Variants in SCHIP1 observed in about 807,000 individuals in gnomAD.
The protein encoded by SCHIP1 is schwannomin-interacting protein 1.
In SCHIP1, 8 loss-of-function variants were observed where a neutral mutation model predicts 29.7. That is an observed-to-expected ratio of 0.27 (90% CI 0.16 to 0.49). The LOEUF (loss-of-function observed/expected upper bound fraction) is 0.49, where lower values mean the gene tolerates loss of function less well. Among genes scored for constraint, SCHIP1 ranks in the 20% least tolerant of loss-of-function variants. SCHIP1 has a pLI of 0.99. For missense variants in SCHIP1, 193 were observed against 294.6 expected, an observed-to-expected ratio of 0.66 and a Z score of 2.52; for synonymous variants, 76 against 94.9, an observed-to-expected ratio of 0.80 and a Z score of 1.16.
the SCHIP1 span, among the ~76,000 whole-genome samples, chr3:159,712,023 C>CG: frequency 6.6e-6 from 1 of 152,194 alleles, no homozygotes; most frequent in Non-Finnish European, 1.5e-5. Context: ...ACAAAAATAA[C>CG]AACAGCTTAA....
the SCHIP1 span, among the ~76,000 whole-genome samples, chr3:159,396,523 C>T: frequency 6.8e-6 from 1 of 147,566 alleles, no homozygotes; most frequent in African/African-American, 2.5e-5. Context: ...CTGGTGGTGA[C>T]AAAATCTCTC....
chr3:159,654,002 T>C, the SCHIP1 span, among the ~76,000 whole-genome samples: 1 of 152,214 alleles, frequency 6.6e-6, no homozygotes, highest in Non-Finnish European at 1.5e-5. Context: ...ATCTAAAATA[T>C]ACTATCATAC....
At chr3:159,647,909 G>C in the SCHIP1 span, among the ~76,000 whole-genome samples, 2 of 152,140 alleles carry the variant, frequency 1.3e-5, no homozygotes, top group South Asian at 4.1e-4. Flanking sequence ...TGTTATTCCA[G>C]AGGGTCATGG....
chr3:159,825,804 A>G, the SCHIP1 span, among the ~76,000 whole-genome samples: 1 of 152,234 alleles, frequency 6.6e-6, no homozygotes, highest in Non-Finnish European at 1.5e-5. Flanking sequence ...GTGAATTTAA[A>G]GCAGGACCTT....
At chr3:159,353,562 A>G in the SCHIP1 span, among the ~76,000 whole-genome samples, 2 of 152,216 alleles carry the variant, frequency 1.3e-5, no homozygotes, top group African/African-American at 4.8e-5. Flanking sequence ...GAATCTGTTC[A>G]AGTCTACAAA....
chr3:159,669,961 T>C, the SCHIP1 span, among the ~76,000 whole-genome samples: 1 of 152,218 alleles, frequency 6.6e-6, no homozygotes, highest in Non-Finnish European at 1.5e-5. Context: ...GTGTCTATTG[T>C]AAGCAACAAG....
the SCHIP1 span, chr3:159,763,623 C>T: frequency 6.5e-6 from 1 of 152,836 alleles, no homozygotes; most frequent in African/African-American, 2.4e-5. Context: ...TGCGCCGCGC[C>T]CGGCAGCCTC....
upstream of SCHIP1, among the ~76,000 whole-genome samples, chr3:159,836,780 A>G (rs973931058): frequency 1.3e-5 from 2 of 152,196 alleles, no homozygotes; most frequent in African/African-American, 4.8e-5. Context: ...AAGTTCATCA[A>G]TATTTTTTAG....
the SCHIP1 span, among the ~76,000 whole-genome samples, chr3:159,528,025 A>G: frequency 6.6e-6 from 1 of 152,218 alleles, no homozygotes; most frequent in African/African-American, 2.4e-5. Flanking sequence ...CAAATTTTAT[A>G]TGTCTATTAT....
chr3:159,664,126 C>T, the SCHIP1 span, among the ~76,000 whole-genome samples: 731 of 152,216 alleles, frequency 4.8e-3, 9 homozygotes, highest in African/African-American at 0.016. Context: ...CATTAACTGA[C>T]GAGGAAAACT....
chr3:159,686,249 G>A, the SCHIP1 span, among the ~76,000 whole-genome samples: 3 of 152,134 alleles, frequency 2.0e-5, no homozygotes, highest in African/African-American at 7.2e-5. Context: ...TGTAACCACA[G>A]GAATATTTGA....
the SCHIP1 span, among the ~76,000 whole-genome samples, chr3:159,769,565 C>T: frequency 5.3e-5 from 8 of 152,012 alleles, no homozygotes; most frequent in Non-Finnish European, 1.0e-4. Context: ...GCCTGGCCAA[C>T]GTGGTGAAAC....
At chr3:159,599,672 T>C in the SCHIP1 span, among the ~76,000 whole-genome samples, 3 of 152,246 alleles carry the variant, frequency 2.0e-5, no homozygotes, top group Non-Finnish European at 4.4e-5. Flanking sequence ...GCTGGTTTCG[T>C]ATTTTTGCAG....
At chr3:159,403,196 G>T in the SCHIP1 span, among the ~76,000 whole-genome samples, 1 of 152,152 alleles carries the variant, frequency 6.6e-6, no homozygotes, top group South Asian at 2.1e-4. Flanking sequence ...AATGAGGAGG[G>T]TGGAGTATTA....
the SCHIP1 span, among the ~76,000 whole-genome samples, chr3:159,563,621 G>C: frequency 6.6e-6 from 1 of 152,146 alleles, no homozygotes; most frequent in Non-Finnish European, 1.5e-5. Context: ...GTGAGCCCCA[G>C]AGTTCAAGAC....
chr3:159,298,367 GAATTGTTATT>G, the SCHIP1 span, among the ~76,000 whole-genome samples: 24 of 152,252 alleles, frequency 1.6e-4, no homozygotes, highest in African/African-American at 5.8e-4. Context: ...TATAGACCTA[GAATTGTTATT>G]AATTGTGAAA....
At chr3:159,618,569 T>C in the SCHIP1 span, among the ~76,000 whole-genome samples, 1 of 152,246 alleles carries the variant, frequency 6.6e-6, no homozygotes, top group African/African-American at 2.4e-5. Flanking sequence ...GAAGAGACTA[T>C]TAAGTATGTG....
chr3:159,343,844 T>C, the SCHIP1 span, among the ~76,000 whole-genome samples: 1 of 152,210 alleles, frequency 6.6e-6, no homozygotes, highest in East Asian at 1.9e-4. Context: ...CTCAGATCTA[T>C]ACAGAATATA....
chr3:159,855,663 A>ATT (rs60953677), intron 1 of SCHIP1, among the ~76,000 whole-genome samples: 2 of 150,618 alleles, frequency 1.3e-5, no homozygotes, highest in African/African-American at 4.9e-5. Context: ...AAAAGTTGTA[A>ATT]TTTTTTTTTT....
Sources: allele counts gnomAD v4.1 joint callset (sites outside exome capture counted in the v4.1 genomes callset), GRCh38; gene constraint gnomAD v4.1.1; transcripts MANE v1.5; gene names NCBI Gene and HGNC (gene_info 2026-07-23, HGNC 2026-07-21).